Variants in ZNF407 observed in about 807,000 individuals in gnomAD.
ZNF407 encodes zinc finger protein 407.
In ZNF407, 17 loss-of-function variants were observed where a neutral mutation model predicts 131.2. The ratio of observed to expected loss-of-function variants is 0.13; its 90% CI spans 0.09 to 0.19. The LOEUF is 0.19. Among genes scored for constraint, ZNF407 ranks in the 10% least tolerant of loss-of-function variants. The pLI, the probability that ZNF407 is intolerant of heterozygous loss-of-function variation, is 1.00. For synonymous variants in ZNF407, 1,156 were observed against 1,062.0 expected (o/e 1.09, Z -1.72); for missense variants, 2,681 against 2,830.6 (o/e 0.95, Z 1.20).
Position 74,828,615 on chromosome 18 carries a change from G to T in ZNF407, c.4877+47113G>T, listed in dbSNP as rs112190824. On this transcript the variant is annotated intron_variant, in intron 4 of 8. Coordinates refer to ENST00000299687, the MANE Select transcript of ZNF407 (RefSeq NM_017757.3). ...TTTTTAGCACTGCTTATGGGAACCT[G>T]TTCTTTCCACCACTGTATAGCTAGA... Among the ~76,000 whole-genome samples, 1,194 of 152,306 alleles carry T rather than the reference G, an allele frequency of 7.8e-3. 13 individuals are homozygous for T. The highest frequency in any genetic ancestry group is 0.027 in the African/African-American group (1,111 of 41,568).
intron 4 of ZNF407, among the ~76,000 whole-genome samples, chr18:74,868,914 A>G (rs1282418645): frequency 6.6e-6 from 1 of 152,184 alleles, no homozygotes; most frequent in East Asian, 1.9e-4. Context: ...GAATAGATGT[A>G]TTTTATTTAT....
chr18:74,844,743 A>G (rs1970679785), intron 4 of ZNF407, among the ~76,000 whole-genome samples: 2 of 152,202 alleles, frequency 1.3e-5, no homozygotes. Context: ...ACCATGAGAA[A>G]ACAAGATAAA....
At chr18:75,004,898 G>A (rs1972890300) in intron 8 of ZNF407, among the ~76,000 whole-genome samples, 1 of 152,168 alleles carries the variant, frequency 6.6e-6, no homozygotes, top group Admixed American at 6.6e-5. Flanking sequence ...GATGGCTTCT[G>A]GCAGCGCTGG....
chr18:75,003,785 A>G (rs903445490), intron 8 of ZNF407, among the ~76,000 whole-genome samples: 15 of 152,196 alleles, frequency 9.9e-5, no homozygotes, highest in African/African-American at 3.6e-4. Flanking sequence ...TTGTAGAATC[A>G]AATTCTTGTT....
At chr18:74,620,076 T>C (rs1414349054) in intron 1 of ZNF407, among the ~76,000 whole-genome samples, 1 of 152,128 alleles carries the variant, frequency 6.6e-6, no homozygotes. Flanking sequence ...AAGCATTGGT[T>C]TTAAAAATAT....
At chr18:74,750,812 A>C (rs1393942454) in intron 3 of ZNF407, among the ~76,000 whole-genome samples, 6 of 152,066 alleles carry the variant, frequency 3.9e-5, no homozygotes, top group Non-Finnish European at 7.4e-5. Context: ...GCAGTGTATG[A>C]ATTTTTGAAT....
At chr18:74,790,842 G>C (rs919929969) in intron 4 of ZNF407, among the ~76,000 whole-genome samples, 2 of 152,168 alleles carry the variant, frequency 1.3e-5, no homozygotes, top group South Asian at 4.1e-4. Context: ...TCTATCTGAA[G>C]TAATTTTTGT....
At chr18:74,673,138 C>T (rs1986218227) in intron 3 of ZNF407, among the ~76,000 whole-genome samples, 1 of 152,176 alleles carries the variant, frequency 6.6e-6, no homozygotes, top group Admixed American at 6.5e-5. Context: ...AGACTCTATG[C>T]CTTATTGGTA....
intron 8 of ZNF407, among the ~76,000 whole-genome samples, chr18:74,992,946 G>A (rs189099700): frequency 1.1e-3 from 165 of 152,290 alleles, no homozygotes; most frequent in African/African-American, 3.8e-3. Context: ...CACCCACTAA[G>A]ATGACTGAAA....
rs770012582 is a variant in ZNF407, at chr18:75,064,757, C to T, written c.*289C>T. On this transcript the variant is annotated 3_prime_UTR_variant, in exon 9 of 9. Transcript: ENST00000299687. ...GGGGGCCCTTCGATCAGTGGCCTCC[C>T]GCTTCGTCCTGGCCGCTGTGCTGAA... The T allele has an allele frequency of 5.0e-5, 17 of 341,074 alleles. No individual in the cohort carries two copies. Among genetic ancestry groups the T allele is most frequent in the Admixed American group, 8.6e-5 (2 of 23,342 alleles). The allele number at this position is 341,074 out of a possible 1,614,324, so 21.1% of individuals were successfully genotyped here. A position where few individuals can be genotyped will look rare whatever the true frequency, so the allele number is the denominator to read the frequency against.
At chr18:74,804,736 T>G (rs542056912) in intron 4 of ZNF407, 1 of 537,018 alleles carries the variant, frequency 1.9e-6, no homozygotes, top group East Asian at 1.5e-4. Flanking sequence ...CTCCGGAAGG[T>G]TAGCCGAGTT....
chr18:75,035,286 C>A (rs183309871), intron 8 of ZNF407, among the ~76,000 whole-genome samples: 25 of 152,300 alleles, frequency 1.6e-4, no homozygotes, highest in Non-Finnish European at 3.4e-4. Flanking sequence ...ACACAGGATT[C>A]GTCTTTGAAC....
intron 4 of ZNF407, among the ~76,000 whole-genome samples, chr18:74,869,684 A>T (rs1410290770): frequency 3.9e-5 from 6 of 152,262 alleles, no homozygotes; most frequent in East Asian, 1.9e-4. Flanking sequence ...CAATCCAGCA[A>T]TTGGTAAACT....
chr18:74,619,857 G>T (rs1983445887), intron 1 of ZNF407, among the ~76,000 whole-genome samples: 1 of 152,062 alleles, frequency 6.6e-6, no homozygotes, highest in Non-Finnish European at 1.5e-5. Context: ...GTACGAGATG[G>T]TTTCATCGTG....
rs143765317 is a variant in ZNF407, at chr18:74,810,109, G to T, written c.4877+28607G>T. ...ACTGGAAGTTGTATGTGTAATTGTA[G>T]AAGTGAAGGTAGAGGCCAGGTGTGA... On this transcript the variant is annotated intron_variant, in intron 4 of 8. Transcript: ENST00000299687. 2.0e-5 allele frequency among the ~76,000 whole-genome samples: 3 copies of T among 152,310 alleles called. No homozygotes were observed. The East Asian group carries it at 5.8e-4, about 29-fold the overall frequency.
chr18:74,780,433 ATC>A (rs1240599129), intron 3 of ZNF407, among the ~76,000 whole-genome samples: 5 of 152,192 alleles, frequency 3.3e-5, no homozygotes, highest in Admixed American at 2.6e-4. Context: ...AATGTTGAGA[ATC>A]TTATAACATG....
At chr18:74,727,891 A>T (rs562129483) in intron 3 of ZNF407, among the ~76,000 whole-genome samples, 1 of 152,280 alleles carries the variant, frequency 6.6e-6, no homozygotes, top group African/African-American at 2.4e-5. Context: ...TACTTTAAAT[A>T]CCTGTGGTAT....
intron 8 of ZNF407, among the ~76,000 whole-genome samples, chr18:74,951,030 G>C (rs978195444): frequency 6.6e-6 from 1 of 151,978 alleles, no homozygotes; most frequent in Non-Finnish European, 1.5e-5. Context: ...TTCTGGAATG[G>C]GCACATATTA....
At position 74,706,175 on chromosome 18, in the gene ZNF407, A is replaced by C. The variant is rs1030371722; in HGVS notation, c.4802+65053A>C. On this transcript the variant is annotated intron_variant, in intron 3 of 8. Transcript: ENST00000299687. ...GCAAAAATGAGAATTCTACCGCAAA[A>C]ATTCTTTAATTTCAAATTGTTGCAG... Among the ~76,000 whole-genome samples the C allele has an allele frequency of 2.0e-5, 3 of 152,178 alleles. No individual in the cohort carries two copies. The South Asian group carries it at 6.2e-4, about 31-fold the overall frequency.
Sources: allele counts gnomAD v4.1 joint callset (sites outside exome capture counted in the v4.1 genomes callset), GRCh38; gene constraint gnomAD v4.1.1; transcripts MANE v1.5; gene names NCBI Gene and HGNC (gene_info 2026-07-23, HGNC 2026-07-21).